The following RBFOX1 variants were observed in gnomAD, a reference collection of about 807,000 sequenced individuals.
RBFOX1 encodes RNA binding protein fox-1 homolog 1.
A neutral mutation model predicts 57.7 loss-of-function variants in RBFOX1; 8 were observed. The observed-to-expected ratio is 0.14, with a 90% CI of 0.08 to 0.25. The LOEUF (loss-of-function observed/expected upper bound fraction) is 0.25. RBFOX1 is among the 10% of genes least tolerant of loss of function. The pLI, the probability that RBFOX1 is intolerant of heterozygous loss-of-function variation, is 1.00. For missense variants in RBFOX1, 611 were observed against 548.5 expected, an observed-to-expected ratio of 1.11 and a Z score of -1.14; for synonymous variants, 326 against 222.4, an observed-to-expected ratio of 1.47 and a Z score of -4.15.
intron 2 of RBFOX1, among the ~76,000 whole-genome samples, chr16:6,415,041 G>A (rs971551501): frequency 6.6e-6 from 1 of 151,834 alleles, no homozygotes; most frequent in Admixed American, 6.6e-5. Flanking sequence ...TCAGGAGTTC[G>A]AGACCAGCCT....
At chr16:5,593,140 A>T (rs57875656) in intron 2 of RBFOX1, among the ~76,000 whole-genome samples, 4,089 of 152,276 alleles carry the variant, frequency 0.027, 160 homozygotes, top group African/African-American at 0.093. Flanking sequence ...GCACATATAC[A>T]CCATGGGATA....
At chr16:7,410,763 G>T (rs971421068) in intron 4 of RBFOX1, among the ~76,000 whole-genome samples, 1 of 152,030 alleles carries the variant, frequency 6.6e-6, no homozygotes, top group African/African-American at 2.4e-5. Flanking sequence ...AACAGTTTTA[G>T]ACTGATGCTC....
chr16:6,230,637 G>C (rs904004381), intron 1 of RBFOX1, among the ~76,000 whole-genome samples: 2 of 152,156 alleles, frequency 1.3e-5, no homozygotes, highest in African/African-American at 4.8e-5. Flanking sequence ...TCTGATGAGG[G>C]AGTGAGATTA....
chr16:6,243,270 C>G (rs1033551335), intron 1 of RBFOX1, among the ~76,000 whole-genome samples: 4 of 152,106 alleles, frequency 2.6e-5, no homozygotes, highest in Admixed American at 6.5e-5. Flanking sequence ...ATCTTCACAT[C>G]TTTGAAGAGA....
chr16:7,653,105 A>C (rs548712827), intron 11 of RBFOX1, among the ~76,000 whole-genome samples: 1 of 152,370 alleles, frequency 6.6e-6, no homozygotes, highest in African/African-American at 2.4e-5. Flanking sequence ...GTACACATGC[A>C]TATACACATA....
intron 4 of RBFOX1, among the ~76,000 whole-genome samples, chr16:7,270,009 G>C (rs538951698): frequency 1.3e-5 from 2 of 152,188 alleles, no homozygotes; most frequent in Admixed American, 1.3e-4. Context: ...TGTCTGTTTC[G>C]TAATGCCAAG....
intron 4 of RBFOX1, among the ~76,000 whole-genome samples, chr16:7,271,211 T>G (rs1280832223): frequency 6.6e-6 from 1 of 152,164 alleles, no homozygotes; most frequent in Non-Finnish European, 1.5e-5. Context: ...TTGAGCATTC[T>G]GTCCCATGCT....
intron 3 of RBFOX1, among the ~76,000 whole-genome samples, chr16:6,745,669 G>A (rs938479354): frequency 2.6e-5 from 4 of 152,318 alleles, no homozygotes; most frequent in South Asian, 2.1e-4. Flanking sequence ...GGCATCTATG[G>A]AAAATGTATA....
intron 3 of RBFOX1, among the ~76,000 whole-genome samples, chr16:6,719,105 G>T (rs747807949): frequency 5.9e-5 from 9 of 152,072 alleles, no homozygotes; most frequent in Non-Finnish European, 1.0e-4. Context: ...GGGCTCAAGG[G>T]ATTTACTTGC....
At chr16:6,705,687 G>C (rs2062612909) in intron 3 of RBFOX1, 1 of 152,184 alleles carries the variant, frequency 6.6e-6, no homozygotes, top group Admixed American at 6.5e-5. Flanking sequence ...CACTGTGATA[G>C]AGTATGTCTT....
intron 3 of RBFOX1, among the ~76,000 whole-genome samples, chr16:6,700,432 C>G (rs574153562): frequency 4.0e-5 from 6 of 151,770 alleles, no homozygotes; most frequent in African/African-American, 1.5e-4. Context: ...CCGAAGCAGG[C>G]GGATCACCTG....
intron 1 of RBFOX1, among the ~76,000 whole-genome samples, chr16:6,027,854 A>G (rs973745735): frequency 2.6e-5 from 4 of 152,154 alleles, no homozygotes; most frequent in African/African-American, 9.7e-5. Flanking sequence ...CGTAGCTGCA[A>G]ATGTACGGTT....
chr16:5,971,295 C>A (rs533128335), intron 4 of RBFOX1, among the ~76,000 whole-genome samples: 1 of 152,146 alleles, frequency 6.6e-6, no homozygotes, highest in Non-Finnish European at 1.5e-5. Context: ...CAGTCCTTGT[C>A]ATGTGACAGG....
Position 6,670,916 on chromosome 16 carries a change from C to T in RBFOX1, c.-16+16266C>T, listed in dbSNP as rs561074333. ...TTGGGAGGCTGAGGCAGGAGAGAGG[C>T]GTGAACCCAGGAGGCGGAGCTTGCA... On this transcript the variant is annotated intron_variant, in intron 3 of 15. Transcript: ENST00000550418. 1.4e-4 allele frequency among the ~76,000 whole-genome samples: 22 copies of T among 152,178 alleles called. No individual in the cohort carries two copies. In the East Asian group the frequency reaches 3.5e-3, roughly 24 times the overall value.
intron 14 of RBFOX1, among the ~76,000 whole-genome samples, chr16:7,694,902 C>G (rs776758988): frequency 2.0e-5 from 3 of 152,158 alleles, no homozygotes; most frequent in Non-Finnish European, 4.4e-5. Flanking sequence ...CTTCTGTTAA[C>G]CCCTGTGCAT....
At chr16:6,676,673 C>CTTTTTTTTTTTTTTTTTTT (rs756578276) in intron 3 of RBFOX1, among the ~76,000 whole-genome samples, 7 of 103,550 alleles carry the variant, frequency 6.8e-5, no homozygotes, top group South Asian at 3.5e-4. Flanking sequence ...TTTTTCTTTT[C>CTTTTTTTTTTTTTTTTTTT]TTTTTTTTTT....
intron 3 of RBFOX1, among the ~76,000 whole-genome samples, chr16:6,941,326 C>A: frequency 7.4e-6 from 1 of 134,332 alleles, no homozygotes; most frequent in South Asian, 2.7e-4. Flanking sequence ...TTCCTTCCTT[C>A]CTTCCTTCCT....
At chr16:5,521,312 A>G (rs1430975724) in intron 2 of RBFOX1, among the ~76,000 whole-genome samples, 1 of 112,166 alleles carries the variant, frequency 8.9e-6, no homozygotes, top group Non-Finnish European at 1.6e-5. Flanking sequence ...CTGCTGCCCC[A>G]GGTCCGTGCA....
chr16:6,896,100 C>G (rs141844013), intron 3 of RBFOX1, among the ~76,000 whole-genome samples: 1,886 of 152,122 alleles, frequency 0.012, 22 homozygotes, highest in Non-Finnish European at 0.02. Flanking sequence ...TGGTGAAACC[C>G]CATCTCTATT....
Sources: gnomAD v4.1 joint callset for allele counts (sites outside exome capture counted in the v4.1 genomes callset) on GRCh38, gnomAD v4.1.1 for gene constraint, MANE v1.5 for transcripts, NCBI Gene and HGNC (gene_info 2026-07-23, HGNC 2026-07-21) for gene names.